The following AGMO variants were observed in gnomAD, a reference collection of about 807,000 sequenced individuals.
The protein encoded by AGMO is glyceryl-ether monooxygenase.
Under a neutral mutation model 60.2 loss-of-function variants are expected in AGMO, and 75 were observed. The observed-to-expected ratio is 1.25, with a 90% CI of 1.03 to 1.51. AGMO has a LOEUF of 1.51. Ranked by LOEUF, AGMO falls within the 40% of genes most tolerant of loss-of-function variation. The pLI, the probability that AGMO is intolerant of heterozygous loss-of-function variation, is 0.00. For missense variants in AGMO, 763 were observed against 525.5 expected, an observed-to-expected ratio of 1.45 and a Z score of -4.42; for synonymous variants, 261 against 177.1, an observed-to-expected ratio of 1.47 and a Z score of -3.76.
chr7:15,354,394 ACACGTGTGTGTACACACGTGTGTG>A (rs1782397813), intron 12 of AGMO, among the ~76,000 whole-genome samples: 1 of 49,852 alleles, frequency 2.0e-5, no homozygotes, highest in African/African-American at 1.6e-4. Context: ...GTGTGTGTAT[ACACGTGTGTGTACACACGTGTGTG>A]TATACACACA....
intron 12 of AGMO, among the ~76,000 whole-genome samples, chr7:15,359,817 A>G (rs1782682438): frequency 6.6e-6 from 1 of 152,248 alleles, no homozygotes; most frequent in Non-Finnish European, 1.5e-5. Context: ...AAATCATAAA[A>G]TACAAAAAAT....
chr7:15,380,342 C>T (rs10246063), intron 10 of AGMO, among the ~76,000 whole-genome samples: 1 of 151,958 alleles, frequency 6.6e-6, no homozygotes, highest in South Asian at 2.1e-4. Context: ...ATGCAAAAAT[C>T]ACTGGCATTT....
chr7:15,347,174 T>C (rs1055697992), intron 12 of AGMO, among the ~76,000 whole-genome samples: 2 of 152,082 alleles, frequency 1.3e-5, no homozygotes, highest in Non-Finnish European at 2.9e-5. Flanking sequence ...TGTTACTGTC[T>C]TTTTGTATAA....
At chr7:15,221,930 A>G (rs1781936197) in intron 12 of AGMO, among the ~76,000 whole-genome samples, 1 of 152,190 alleles carries the variant, frequency 6.6e-6, no homozygotes, top group African/African-American at 2.4e-5. Context: ...ATATTTATAT[A>G]GCATTACGTT....
At chr7:15,549,558 A>G (rs1338499245) in intron 2 of AGMO, among the ~76,000 whole-genome samples, 1 of 151,204 alleles carries the variant, frequency 6.6e-6, no homozygotes, top group Admixed American at 6.6e-5. Context: ...CAAAGATCAA[A>G]AGAGACAAAG....
At chr7:15,466,809 G>A (rs1192225379) in intron 3 of AGMO, among the ~76,000 whole-genome samples, 1 of 152,102 alleles carries the variant, frequency 6.6e-6, no homozygotes, top group Non-Finnish European at 1.5e-5. Flanking sequence ...ATAAATAAAG[G>A]ATACAGTTGG....
chr7:15,330,064 TTTTTC>T (rs1781456156), intron 12 of AGMO, among the ~76,000 whole-genome samples: 1 of 54,770 alleles, frequency 1.8e-5, no homozygotes, highest in Non-Finnish European at 5.5e-5. Flanking sequence ...ATTATTTTCT[TTTTTC>T]TTTCTATCTC....
intron 12 of AGMO, among the ~76,000 whole-genome samples, chr7:15,214,365 T>C (rs181204514): frequency 6.6e-6 from 1 of 152,176 alleles, no homozygotes; most frequent in Non-Finnish European, 1.5e-5. Flanking sequence ...AAAAGAGACC[T>C]CTTTGGTTAG....
At chr7:15,215,049 T>A (rs1781696409) in intron 12 of AGMO, among the ~76,000 whole-genome samples, 1 of 152,214 alleles carries the variant, frequency 6.6e-6, no homozygotes, top group Middle Eastern at 3.4e-3. Flanking sequence ...TCACAACACA[T>A]GTAATATATC....
At chr7:15,244,812 T>C (rs767414851) in intron 12 of AGMO, among the ~76,000 whole-genome samples, 139 of 152,058 alleles carry the variant, frequency 9.1e-4, no homozygotes, top group Non-Finnish European at 1.4e-3. Flanking sequence ...CCACCATGCG[T>C]GGCTAATTTT....
intron 12 of AGMO, among the ~76,000 whole-genome samples, chr7:15,331,030 T>C (rs1007679052): frequency 3.3e-5 from 5 of 152,144 alleles, no homozygotes; most frequent in African/African-American, 7.2e-5. Context: ...TCTTGGATTG[T>C]TCTCTCTGGG....
chr7:15,468,176 A>T (rs1782342472), intron 3 of AGMO, among the ~76,000 whole-genome samples: 1 of 152,168 alleles, frequency 6.6e-6, no homozygotes, highest in African/African-American at 2.4e-5. Flanking sequence ...TGCTAATCCA[A>T]AATGGTGATG....
intron 12 of AGMO, among the ~76,000 whole-genome samples, chr7:15,241,217 T>C (rs531710046): frequency 2.6e-5 from 4 of 151,746 alleles, no homozygotes; most frequent in African/African-American, 7.3e-5. Flanking sequence ...TCCCAGCACT[T>C]TGGGAGGCCG....
At chr7:15,223,467 T>C (rs764527326) in intron 12 of AGMO, among the ~76,000 whole-genome samples, 2 of 152,024 alleles carry the variant, frequency 1.3e-5, no homozygotes, top group Non-Finnish European at 2.9e-5. Flanking sequence ...AAGATTCTAT[T>C]CAATGAGGAA....
At chr7:15,276,709 T>G (rs925150681) in intron 12 of AGMO, among the ~76,000 whole-genome samples, 10 of 152,158 alleles carry the variant, frequency 6.6e-5, no homozygotes, top group African/African-American at 2.4e-4. Context: ...TAATCCCAGA[T>G]TTCTTGAAAG....
intron 3 of AGMO, among the ~76,000 whole-genome samples, chr7:15,439,889 G>A (rs1781502075): frequency 1.3e-5 from 2 of 152,128 alleles, no homozygotes; most frequent in Admixed American, 6.5e-5. Context: ...GAACTGGGAT[G>A]AGACCCCCCG....
intron 12 of AGMO, among the ~76,000 whole-genome samples, chr7:15,223,641 T>TA (rs977899250): frequency 1.4e-4 from 21 of 152,002 alleles, no homozygotes; most frequent in African/African-American, 4.1e-4. Context: ...ATTGGAGTTA[T>TA]AAAAAACTCC....
intron 12 of AGMO, among the ~76,000 whole-genome samples, chr7:15,300,316 C>G (rs547773523): frequency 1.3e-5 from 2 of 152,162 alleles, no homozygotes; most frequent in South Asian, 4.2e-4. Flanking sequence ...TGTCTTTCAC[C>G]AACAAACATA....
intron 12 of AGMO, among the ~76,000 whole-genome samples, chr7:15,345,117 A>C (rs1023740291): frequency 3.3e-5 from 5 of 152,176 alleles, no homozygotes; most frequent in Admixed American, 6.5e-5. Context: ...CAAAAATGCA[A>C]ATCTAATCAA....
Sources: gnomAD v4.1 joint callset for allele counts (sites outside exome capture counted in the v4.1 genomes callset) on GRCh38, gnomAD v4.1.1 for gene constraint, MANE v1.5 for transcripts, NCBI Gene and HGNC (gene_info 2026-07-23, HGNC 2026-07-21) for gene names.